Variants in CASS4 observed in about 807,000 individuals in gnomAD.
CASS4 encodes the protein Cas scaffold protein family member 4.
A neutral mutation model predicts 54.2 loss-of-function variants in CASS4; 22 were observed. That is an observed-to-expected ratio of 0.41 (90% CI 0.29 to 0.58). The LOEUF (loss-of-function observed/expected upper bound fraction) is 0.58. Among genes scored for constraint, CASS4 ranks in the 20% least tolerant of loss-of-function variants. CASS4 has a pLI of 0.36. For synonymous variants in CASS4, 409 were observed against 391.5 expected (o/e 1.04, Z -0.53); for missense variants, 854 against 986.7 (o/e 0.87, Z 1.80).
rs577207670 is a variant in CASS4, at chr20:56,430,901, G to A, written c.37-6263G>A. ...AATGTGACTGGAGGGAAATGAATGA[G>A]GGTAGAGCTGCAAACTGGGAGGCTG... On this transcript the variant is annotated intron_variant, in intron 1 of 5. Coordinates refer to ENST00000679887, the MANE Select transcript of CASS4 (RefSeq NM_020356.4). The surrounding 1 kb of genome is among the most constrained non-coding windows in gnomAD (Gnocchi z 4.2). Among the ~76,000 whole-genome samples, 3 of 152,314 alleles carry A rather than the reference G, an allele frequency of 2.0e-5. No individual in the cohort carries two copies. In the South Asian group the frequency reaches 6.2e-4, roughly 32 times the overall value.
intron 2 of CASS4, among the ~76,000 whole-genome samples, chr20:56,439,091 T>A (rs1051226485): frequency 6.6e-6 from 1 of 152,218 alleles, no homozygotes; most frequent in Non-Finnish European, 1.5e-5. Flanking sequence ...TCAATACATA[T>A]CTGACAAACA....
intron 1 of CASS4, among the ~76,000 whole-genome samples, chr20:56,416,564 C>T (rs1452774358): frequency 6.6e-6 from 1 of 151,766 alleles, no homozygotes; most frequent in East Asian, 1.9e-4. Flanking sequence ...TGTGTATGCA[C>T]ACATGCCATT....
intron 1 of CASS4, among the ~76,000 whole-genome samples, chr20:56,435,614 C>T (rs1238008022): frequency 2.6e-5 from 4 of 152,266 alleles, no homozygotes; most frequent in East Asian, 3.9e-4. Context: ...GGTAACAAGG[C>T]GACTTTTTTT....
chr20:56,456,581 G>A (rs978670666), intron 5 of CASS4, among the ~76,000 whole-genome samples: 6 of 151,978 alleles, frequency 3.9e-5, no homozygotes, highest in Non-Finnish European at 5.9e-5. Flanking sequence ...CACCATGTTG[G>A]CAAGGCACAT....
At chr20:56,434,991 A>G (rs924427128) in intron 1 of CASS4, among the ~76,000 whole-genome samples, 1 of 152,162 alleles carries the variant, frequency 6.6e-6, no homozygotes, top group Non-Finnish European at 1.5e-5. Context: ...ATGAACTTTT[A>G]TTACTTTTGT....
chr20:56,445,697 G>A (rs1008442208), intron 2 of CASS4, among the ~76,000 whole-genome samples: 3 of 152,172 alleles, frequency 2.0e-5, no homozygotes, highest in Non-Finnish European at 4.4e-5. Context: ...TGGGCCACGT[G>A]CGAGGAAGGC....
chr20:56,435,464 C>A (rs1980109086), intron 1 of CASS4, among the ~76,000 whole-genome samples: 1 of 152,144 alleles, frequency 6.6e-6, no homozygotes, highest in African/African-American at 2.4e-5. Flanking sequence ...TCTTTTATTT[C>A]TCTCTTTTTC....
At chr20:56,417,823 A>G (rs1166548191) in intron 1 of CASS4, among the ~76,000 whole-genome samples, 1 of 152,102 alleles carries the variant, frequency 6.6e-6, no homozygotes, top group Admixed American at 6.5e-5. Flanking sequence ...CTAAGCTGCC[A>G]CTCAGCCTGT....
chr20:56,440,775 C>G (rs1980416359), intron 2 of CASS4, among the ~76,000 whole-genome samples: 2 of 152,172 alleles, frequency 1.3e-5, no homozygotes, highest in Non-Finnish European at 2.9e-5. Flanking sequence ...TGAGGCCTTG[C>G]TTGTGCAGGC....
In CASS4 at chr20:56,437,097, G is replaced by A; in HGVS notation, c.37-67G>A. ...TTGTATGAAGCTTTCTAAGAGAGTG[G>A]GATTGGAGTAGCAGTCACTGGCCAC... On this transcript the variant is annotated intron_variant, in intron 1 of 5. Coordinates refer to ENST00000679887, the MANE Select transcript of CASS4 (RefSeq NM_020356.4). The surrounding 1 kb of genome is among the most constrained non-coding windows in gnomAD (Gnocchi z 4.7). The A allele has an allele frequency of 7.5e-7, 1 of 1,326,206 alleles. No homozygotes were observed. Among genetic ancestry groups the A allele is most frequent in the Non-Finnish European group, 1.0e-6 (1 of 965,186 alleles). The allele number at this position is 1,326,206 out of a possible 1,614,324, so 82.2% of individuals were successfully genotyped here. A position where few individuals can be genotyped will look rare whatever the true frequency, so the allele number is the denominator to read the frequency against.
chr20:56,453,780 G>T (rs1282647477), intron 5 of CASS4: 1 of 152,448 alleles, frequency 6.6e-6, no homozygotes, highest in Non-Finnish European at 1.5e-5. Flanking sequence ...GAGTCTGAGT[G>T]GGGGTATCCC....
chr20:56,413,567 G>A (rs1978986768), intron 1 of CASS4, among the ~76,000 whole-genome samples: 1 of 151,472 alleles, frequency 6.6e-6, no homozygotes, highest in African/African-American at 2.4e-5. Context: ...CAGCTACTCG[G>A]GAGGCTGAGG....
chr20:56,436,279 A>G (rs1338976871), intron 1 of CASS4, among the ~76,000 whole-genome samples: 2 of 151,856 alleles, frequency 1.3e-5, no homozygotes, highest in African/African-American at 2.4e-5. Flanking sequence ...GCACCTGTAC[A>G]TGACAGAGAG....
In CASS4 at chr20:56,414,900, G is replaced by C. The variant is rs536119786; in HGVS notation, c.36+2406G>C. ...ATATAAATAGTAGCCAACCCTTACC[G>C]ATTGTCTACATGTGAGGCCCTGTGC... is the stretch of plus-strand genomic sequence containing the variant. On this transcript the variant is annotated intron_variant, in intron 1 of 5. Coordinates refer to ENST00000679887, the MANE Select transcript of CASS4 (RefSeq NM_020356.4). This position sits in a 1 kb window ranked among gnomAD's most constrained non-coding sequence, Gnocchi z 4.1. 1.3e-5 allele frequency among the ~76,000 whole-genome samples: 2 copies of C among 152,178 alleles called. No individual in the cohort carries two copies. The highest frequency in any genetic ancestry group is 4.1e-4 in the South Asian group (2 of 4,824).
chr20:56,451,885 C>A lies in CASS4; in HGVS notation c.709C>A (p.Pro237Thr), dbSNP rs1177992598. 2.8e-5 allele frequency: 46 copies of A among 1,614,044 alleles called. No individual in the cohort carries two copies. The highest frequency in any genetic ancestry group is 3.9e-5 in the Non-Finnish European group (46 of 1,180,026). Reference protein sequence around the residue: ...RRGGYSTLPNPQKSEWIYDTP... With the variant: ...RRGGYSTLPNTQKSEWIYDTP... ...AGGCGGTTACAGCACATTACCAAATCCTCAGAAATCGGAATGGATTTATGA... is the reference window on the plus strand; with the variant it reads ...AGGCGGTTACAGCACATTACCAAATACTCAGAAATCGGAATGGATTTATGA... Residue 237 changes from proline (P) to threonine (T), a missense_variant, in exon 5 of 6, where the codon CCT becomes ACT. Coordinates refer to ENST00000679887, the MANE Select transcript of CASS4 (RefSeq NM_020356.4).
At chr20:56,420,689 C>T (rs1029588806) in intron 1 of CASS4, among the ~76,000 whole-genome samples, 5 of 152,024 alleles carry the variant, frequency 3.3e-5, no homozygotes, top group African/African-American at 1.2e-4. Flanking sequence ...GCCACCACAC[C>T]CGGCCCAGGT....
rs1980270954 is a variant in CASS4, at chr20:56,437,885, C to A, written c.459+299C>A. On this transcript the variant is annotated intron_variant, in intron 2 of 5. Coordinates refer to ENST00000679887, the MANE Select transcript of CASS4 (RefSeq NM_020356.4). The surrounding 1 kb of genome is among the most constrained non-coding windows in gnomAD (Gnocchi z 4.7). ...TGTGTGGGAAGGCACTGAGGATGTT[C>A]GTGGCACCCTTTTCACAGGATGAAG... Among the ~76,000 whole-genome samples, 1 of 152,106 alleles carries A rather than the reference C, an allele frequency of 6.6e-6. No individual in the cohort carries two copies. Among genetic ancestry groups the A allele is most frequent in the South Asian group, 2.1e-4 (1 of 4,822 alleles).
intron 2 of CASS4, 51 bp from the exon 3 acceptor site, chr20:56,445,849 A>G (rs1173716079): frequency 7.2e-7 from 1 of 1,391,302 alleles, no homozygotes. Context: ...CCTGATTGTG[A>G]TCATCAGAGT....
intron 5 of CASS4, among the ~76,000 whole-genome samples, chr20:56,457,259 G>A (rs141648315): frequency 1.2e-3 from 185 of 152,274 alleles, no homozygotes; most frequent in African/African-American, 4.2e-3. Flanking sequence ...ATAGGTAAAT[G>A]CGAGCGTGTG....
Sources: gnomAD v4.1 joint callset for allele counts (sites outside exome capture counted in the v4.1 genomes callset) on GRCh38, gnomAD v4.1.1 for gene constraint, Gnocchi (gnomAD v3.1) non-coding constraint, MANE v1.5 for transcripts, NCBI Gene and HGNC (gene_info 2026-07-23, HGNC 2026-07-21) for gene names.